Variants in LINGO2 observed in about 807,000 individuals in gnomAD.
LINGO2 encodes leucine-rich repeat and immunoglobulin-like domain-containing nogo receptor-interacting protein 2.
LINGO2 carries 14 observed loss-of-function variants against 30.6 expected under a neutral mutation model. The observed-to-expected ratio is 0.46, with a 90% CI of 0.30 to 0.72. LINGO2 has a LOEUF of 0.72. LINGO2 is among the 30% of genes least tolerant of loss of function. The pLI, the probability that LINGO2 is intolerant of heterozygous loss-of-function variation, is 0.07. For synonymous variants in LINGO2, 317 were observed against 288.5 expected (o/e 1.10, Z -1.00); for missense variants, 729 against 751.7 (o/e 0.97, Z 0.35).
chr9:28,031,857 G>A (rs1823691560), intron 4 of LINGO2, among the ~76,000 whole-genome samples: 1 of 152,088 alleles, frequency 6.6e-6, no homozygotes, highest in South Asian at 2.1e-4. Flanking sequence ...TAAACTGTTG[G>A]GTAAAACCAC....
At chr9:28,169,058 T>G (rs1828510865) in intron 4 of LINGO2, among the ~76,000 whole-genome samples, 1 of 152,218 alleles carries the variant, frequency 6.6e-6, no homozygotes, top group Admixed American at 6.5e-5. Flanking sequence ...AAGCTTTTGA[T>G]AGGCACACAC....
intron 4 of LINGO2, among the ~76,000 whole-genome samples, chr9:28,259,496 G>T (rs1822493672): frequency 6.6e-6 from 1 of 151,802 alleles, no homozygotes; most frequent in African/African-American, 2.4e-5. Context: ...GTCTGAGTTG[G>T]TGAGCCATAC....
intron 4 of LINGO2, among the ~76,000 whole-genome samples, chr9:28,166,288 G>C (rs1828424331): frequency 1.3e-5 from 2 of 152,168 alleles, no homozygotes; most frequent in Non-Finnish European, 2.9e-5. Context: ...TGGTAGAGCT[G>C]AACTTGTTTT....
the LINGO2 span, among the ~76,000 whole-genome samples, chr9:28,685,641 G>T: frequency 6.6e-6 from 1 of 151,926 alleles, no homozygotes; most frequent in Non-Finnish European, 1.5e-5. Flanking sequence ...AGTCATTTTG[G>T]AGTGGAGAAT....
rs147456008 is a variant in LINGO2, at chr9:28,501,248, G to T, written c.-364-25223C>A. Among the ~76,000 whole-genome samples, 164 of 152,250 alleles carry T rather than the reference G, an allele frequency of 1.1e-3. 1 individual carries two copies. The East Asian group carries it at 0.03, about 28-fold the overall frequency. On this transcript the variant is annotated intron_variant, in intron 1 of 5. Coordinates refer to ENST00000379992, the Ensembl canonical transcript of LINGO2. ...AGTATTTATTTCTGCTAAAGATAAG[G>T]CAGGGCAGGTGAAAGAAGCAGCATG...
the LINGO2 span, among the ~76,000 whole-genome samples, chr9:28,969,631 G>C: frequency 6.6e-6 from 1 of 152,132 alleles, no homozygotes; most frequent in African/African-American, 2.4e-5. Context: ...CCCTGTTCCT[G>C]ATAACTTGGA....
At position 28,015,041 on chromosome 9, in the gene LINGO2, A is replaced by C. The variant is rs147169173; in HGVS notation, c.-86-2636T>G. Among the ~76,000 whole-genome samples the C allele has an allele frequency of 1.2e-3, 177 of 152,306 alleles. 1 individual carries two copies. Among genetic ancestry groups the C allele is most frequent in the African/African-American group, 4.2e-3 (175 of 41,580 alleles). Reference sequence around the variant, plus strand: ...AATAATTTTTAGTGGGTAGAGTTATATATCACATATAGCAAAGTTGTGTCT... The same window carrying C: ...AATAATTTTTAGTGGGTAGAGTTATCTATCACATATAGCAAAGTTGTGTCT... On this transcript the variant is annotated intron_variant, in intron 4 of 5. Coordinates refer to ENST00000379992, the Ensembl canonical transcript of LINGO2.
intron 4 of LINGO2, among the ~76,000 whole-genome samples, chr9:28,094,841 T>C (rs978460756): frequency 6.6e-5 from 10 of 152,222 alleles, no homozygotes; most frequent in Admixed American, 5.2e-4. Context: ...TCTTAAAAGA[T>C]AGTAATAGCA....
the LINGO2 span, among the ~76,000 whole-genome samples, chr9:28,797,359 T>TATAGAG: frequency 3.4e-3 from 115 of 34,194 alleles, no homozygotes; most frequent in Middle Eastern, 0.029. Flanking sequence ...TATATATATA[T>TATAGAG]AGAGAGAGAG....
intron 5 of LINGO2, among the ~76,000 whole-genome samples, chr9:28,010,060 C>G (rs1409966253): frequency 6.6e-6 from 1 of 152,114 alleles, no homozygotes; most frequent in Non-Finnish European, 1.5e-5. Flanking sequence ...GAATGAAGTA[C>G]TGATTAACAT....
chr9:28,782,780 C>T, the LINGO2 span, among the ~76,000 whole-genome samples: 1 of 152,112 alleles, frequency 6.6e-6, no homozygotes, highest in Non-Finnish European at 1.5e-5. Flanking sequence ...TTAGAAAGTA[C>T]AGTCATGCAT....
intron 4 of LINGO2, among the ~76,000 whole-genome samples, chr9:28,158,432 G>C (rs1216230365): frequency 6.6e-6 from 1 of 152,152 alleles, no homozygotes; most frequent in Non-Finnish European, 1.5e-5. Flanking sequence ...CTAAAGGAAG[G>C]TCAGAGAAAG....
At chr9:28,661,786 C>T (rs544396796) in intron 1 of LINGO2, among the ~76,000 whole-genome samples, 4 of 152,134 alleles carry the variant, frequency 2.6e-5, no homozygotes, top group East Asian at 1.9e-4. Context: ...TCAAGAGACA[C>T]GCACAGGTTA....
chr9:27,941,885 T>C, the LINGO2 span: 1 of 152,178 alleles, frequency 6.6e-6, no homozygotes, highest in African/African-American at 2.4e-5. Flanking sequence ...TGACACAATG[T>C]TTTGAATCAT....
At chr9:27,973,597 G>C (rs1026243768) in intron 5 of LINGO2, among the ~76,000 whole-genome samples, 7 of 152,210 alleles carry the variant, frequency 4.6e-5, no homozygotes, top group Non-Finnish European at 8.8e-5. Context: ...AACGTGGTCA[G>C]TATGTTTCCT....
intron 3 of LINGO2, among the ~76,000 whole-genome samples, chr9:28,339,948 C>G (rs1178988369): frequency 6.6e-6 from 1 of 152,176 alleles, no homozygotes; most frequent in Non-Finnish European, 1.5e-5. Context: ...TTACTTGCCT[C>G]TAATGATCTT....
intron 1 of LINGO2, among the ~76,000 whole-genome samples, chr9:28,480,959 C>A: frequency 6.6e-6 from 1 of 152,094 alleles, no homozygotes; most frequent in East Asian, 1.9e-4. Flanking sequence ...AGTCCTGCCT[C>A]CTTTTCATAC....
At chr9:28,301,380 A>G (rs531339451) in intron 3 of LINGO2, among the ~76,000 whole-genome samples, 23 of 152,126 alleles carry the variant, frequency 1.5e-4, no homozygotes, top group Middle Eastern at 6.8e-3. Flanking sequence ...AAAAAAACAA[A>G]AAAAACAGAA....
chr9:28,933,043 A>T, the LINGO2 span, among the ~76,000 whole-genome samples: 9 of 151,952 alleles, frequency 5.9e-5, no homozygotes, highest in African/African-American at 1.9e-4. Context: ...AGTAGCTGGG[A>T]TTACAGACAT....
Sources: allele counts gnomAD v4.1 joint callset (sites outside exome capture counted in the v4.1 genomes callset), GRCh38; gene constraint gnomAD v4.1.1; transcripts MANE v1.5; gene names NCBI Gene and HGNC (gene_info 2026-07-23, HGNC 2026-07-21).